The following CTNNA2 variants were observed in gnomAD, a reference collection of about 807,000 sequenced individuals.
The protein encoded by CTNNA2 is catenin alpha-2.
Under a neutral mutation model 101.0 loss-of-function variants are expected in CTNNA2, and 42 were observed. The observed-to-expected ratio is 0.42, with a 90% confidence interval of 0.32 to 0.54. The LOEUF is 0.54. Ranked by LOEUF, CTNNA2 falls within the 20% of genes least tolerant of loss-of-function variation. CTNNA2 has a pLI of 0.14. For synonymous variants in CTNNA2, 450 were observed against 456.4 expected (o/e 0.99, Z 0.18); for missense variants, 871 against 1,223.1 (o/e 0.71, Z 4.29).
chr2:79,806,698 T>A (rs1351887976), intron 3 of CTNNA2, among the ~76,000 whole-genome samples: 1 of 151,986 alleles, frequency 6.6e-6, no homozygotes, highest in Non-Finnish European at 1.5e-5. Flanking sequence ...CCGAGCTGAG[T>A]TGTCAGCTGG....
intron 7 of CTNNA2, among the ~76,000 whole-genome samples, chr2:80,239,675 G>A (rs1322818100): frequency 6.6e-6 from 1 of 152,084 alleles, no homozygotes; most frequent in African/African-American, 2.4e-5. Flanking sequence ...ACTTTGGGAG[G>A]CTGAGGTGGG....
chr2:80,229,584 G>A (rs1709078762), intron 7 of CTNNA2, among the ~76,000 whole-genome samples: 1 of 151,912 alleles, frequency 6.6e-6, no homozygotes, highest in African/African-American at 2.4e-5. Flanking sequence ...ACCTCTAAGT[G>A]TTCAGCAACC....
intron 12 of CTNNA2, among the ~76,000 whole-genome samples, chr2:80,568,632 G>C (rs961817309): frequency 6.6e-6 from 1 of 152,084 alleles, no homozygotes; most frequent in African/African-American, 2.4e-5. Context: ...GAGAATTGTA[G>C]AGAACTGTCT....
intron 2 of CTNNA2, among the ~76,000 whole-genome samples, chr2:79,230,297 A>G (rs1674473459): frequency 6.6e-6 from 1 of 152,180 alleles, no homozygotes; most frequent in African/African-American, 2.4e-5. Context: ...TGTTGTGTGC[A>G]GCCTAGGGAC....
chr2:80,324,877 A>G (rs1296426546), intron 7 of CTNNA2, among the ~76,000 whole-genome samples: 2 of 152,132 alleles, frequency 1.3e-5, no homozygotes, highest in African/African-American at 4.8e-5. Flanking sequence ...TCAAGTTTCA[A>G]TTTAGAATCA....
chr2:79,498,529 T>C (rs981678316), intron 4 of CTNNA2, among the ~76,000 whole-genome samples: 15 of 152,240 alleles, frequency 9.9e-5, no homozygotes, highest in Non-Finnish European at 1.8e-4. Flanking sequence ...AACAAGCTTC[T>C]GTTTGCTGTC....
intron 4 of CTNNA2, among the ~76,000 whole-genome samples, chr2:79,386,267 T>G (rs1229863028): frequency 6.6e-6 from 1 of 152,182 alleles, no homozygotes; most frequent in Non-Finnish European, 1.5e-5. Flanking sequence ...AAATTACAAT[T>G]CCTTTGGGCC....
intron 3 of CTNNA2, among the ~76,000 whole-genome samples, chr2:79,782,011 T>G (rs1006580319): frequency 2.0e-5 from 3 of 152,230 alleles, no homozygotes; most frequent in Non-Finnish European, 4.4e-5. Context: ...TCTGTTTAGT[T>G]TAAATGGAAA....
At chr2:79,353,859 C>T (rs1023680119) in intron 3 of CTNNA2, among the ~76,000 whole-genome samples, 10 of 152,234 alleles carry the variant, frequency 6.6e-5, no homozygotes, top group Middle Eastern at 3.4e-3. Context: ...TAAGATCAGT[C>T]TAGTGGTCAT....
rs569521383 is a variant in CTNNA2, at chr2:79,408,662, G to T, written c.-135+34649G>T. On this transcript the variant is annotated intron_variant, in intron 4 of 21. Transcript: ENST00000466387. ...TCATTTTTATGCATAGTATTCCATG[G>T]TGTAAATGTGCCACATTTTCTTAAT... 1.6e-4 allele frequency among the ~76,000 whole-genome samples: 24 copies of T among 152,198 alleles called. No homozygotes were observed. The South Asian group carries it at 1.9e-3, about 12-fold the overall frequency.
intron 7 of CTNNA2, among the ~76,000 whole-genome samples, chr2:80,065,501 G>A (rs901945291): frequency 7.9e-5 from 12 of 151,774 alleles, no homozygotes; most frequent in South Asian, 2.1e-4. Context: ...TTACAGGTGC[G>A]TGCCACAACA....
At chr2:79,642,209 GC>G (rs1277720572) in intron 1 of CTNNA2, among the ~76,000 whole-genome samples, 4 of 152,122 alleles carry the variant, frequency 2.6e-5, no homozygotes, top group African/African-American at 9.7e-5. Context: ...TTGTTCAGCA[GC>G]ACTTCTTTGA....
At chr2:80,059,019 G>A (rs1373483551) in intron 7 of CTNNA2, among the ~76,000 whole-genome samples, 1 of 152,018 alleles carries the variant, frequency 6.6e-6, no homozygotes, top group Non-Finnish European at 1.5e-5. Flanking sequence ...TCTGCTTTTT[G>A]CTCTTATTCT....
rs142194968 is a variant in CTNNA2 at position 79,371,648 on chromosome 2, G to T, written c.-317-2183G>T. ...TACCCTACTTTGCAGGAGGAACATG[G>T]TTAAAAATTCTAGGTCTTCCTAGAG... is the stretch of plus-strand genomic sequence containing the variant. On this transcript the variant is annotated intron_variant, in intron 3 of 21. Transcript: ENST00000466387. Among the ~76,000 whole-genome samples the T allele has an allele frequency of 1.6e-3, 249 of 152,240 alleles. 1 individual carries two copies. Among genetic ancestry groups the T allele is most frequent in the African/African-American group, 5.6e-3 (232 of 41,550 alleles).
At chr2:80,066,149 A>T (rs1213496143) in intron 7 of CTNNA2, among the ~76,000 whole-genome samples, 1 of 152,172 alleles carries the variant, frequency 6.6e-6, no homozygotes, top group East Asian at 1.9e-4. Context: ...GACTTGTGTA[A>T]CTCAAAAAGA....
rs1402732261 is a variant in CTNNA2, at chr2:79,186,706, AC to A, written c.-524+1276del. Among the ~76,000 whole-genome samples, 3 of 152,254 alleles carry A rather than the reference AC, an allele frequency of 2.0e-5. No individual in the cohort carries two copies. In the East Asian group the frequency reaches 5.8e-4, roughly 29 times the overall value. On this transcript the variant is annotated intron_variant, in intron 1 of 21. Coordinates refer to the CTNNA2 transcript ENST00000466387. Reference sequence around the variant, plus strand: ...TCAGGGAGTTTCTTTTTAAGAGGAAACAGTACGCCAGTTTCTTCTACTTCTC... The same window carrying A: ...TCAGGGAGTTTCTTTTTAAGAGGAAAAGTACGCCAGTTTCTTCTACTTCTC...
intron 2 of CTNNA2, among the ~76,000 whole-genome samples, chr2:79,703,762 A>G (rs1006882132): frequency 2.0e-5 from 3 of 152,210 alleles, no homozygotes; most frequent in Non-Finnish European, 2.9e-5. Flanking sequence ...AAGGACTTCT[A>G]CATTAAAATC....
chr2:80,498,871 C>G (rs1687662264), intron 9 of CTNNA2, among the ~76,000 whole-genome samples: 1 of 152,136 alleles, frequency 6.6e-6, no homozygotes, highest in African/African-American at 2.4e-5. Flanking sequence ...ACTTATGGAG[C>G]TATATTTACA....
At chr2:79,234,508 T>A (rs2104244180) in intron 2 of CTNNA2, among the ~76,000 whole-genome samples, 1 of 152,260 alleles carries the variant, frequency 6.6e-6, no homozygotes, top group Non-Finnish European at 1.5e-5. Flanking sequence ...GATGACTATG[T>A]GCCTTGGGGG....
Sources: allele counts gnomAD v4.1 joint callset (sites outside exome capture counted in the v4.1 genomes callset), GRCh38; gene constraint gnomAD v4.1.1; transcripts MANE v1.5; gene names NCBI Gene and HGNC (gene_info 2026-07-23, HGNC 2026-07-21).